Variants in PCM1 observed in about 807,000 individuals in gnomAD.
PCM1 encodes the protein pericentriolar material 1 protein.
PCM1 carries 157 observed loss-of-function variants against 241.9 expected under a neutral mutation model. The observed-to-expected ratio is 0.65, with a 90% CI of 0.57 to 0.74. PCM1 has a LOEUF of 0.74. PCM1 is among the 30% of genes least tolerant of loss of function. PCM1 has a pLI of 0.00. For missense variants in PCM1, 3,478 were observed against 2,360.1 expected (o/e 1.47, Z -9.81); for synonymous variants, 1,085 against 784.9 (o/e 1.38, Z -6.39).
chr8:17,980,748 A>G lies in PCM1; in HGVS notation c.4101A>G (p.Ile1367Met), dbSNP rs1285544319. 2 of 1,604,168 alleles carry G rather than the reference A, an allele frequency of 1.2e-6. No individual in the cohort carries two copies. Among genetic ancestry groups the G allele is most frequent in the Non-Finnish European group, 1.7e-6 (2 of 1,176,518 alleles). ...TAAAATGTAATAGGTCTACAGAAAT[A>G]TCTTCAGGTATGTTCTTTTTTGGTT... The part of the protein sequence containing the change: ...KIIKCNRSTE[I>M]SSETGSDFSM... The change falls in exon 24 of 39, where the codon ATA becomes ATG. Residue 1367 changes from isoleucine (I) to methionine (M), a missense_variant. Physicochemically the swap from Ile to Met is conservative, Grantham distance 10. Coordinates refer to ENST00000325083, the MANE Select transcript of PCM1 (RefSeq NM_006197.4).
chr8:17,994,823 T>C (rs1225093150), intron 29 of PCM1, among the ~76,000 whole-genome samples: 2 of 151,540 alleles, frequency 1.3e-5, no homozygotes, highest in African/African-American at 4.9e-5. Flanking sequence ...TTGCCATTTG[T>C]ATGTCGTCTT....
In PCM1 at chr8:17,991,538, G is replaced by GT; in HGVS notation, c.4532-3dup. ...CTCAAAAAATATTTTTGTTCCAAAT[G>GT]TAGGTAACACCGTGATTCACTTAGA... is the stretch of plus-strand genomic sequence containing the variant. On this transcript the variant is annotated splice_region_variant and splice_polypyrimidine_tract_variant and intron_variant, in intron 27 of 38. Transcript: ENST00000325083. The GT allele has an allele frequency of 6.3e-7, 1 of 1,584,260 alleles. No individual in the cohort carries two copies. The highest frequency in any genetic ancestry group is 1.3e-5 in the African/African-American group (1 of 74,288).
At chr8:17,950,769 A>G (rs2065732166) in intron 8 of PCM1, 45 bp downstream of exon 8, 5 of 1,028,998 alleles carry the variant, frequency 4.9e-6, no homozygotes, top group Non-Finnish European at 7.4e-6. Flanking sequence ...AAATCACATT[A>G]ATTAGAACAG....
chr8:18,011,764 G>A lies in PCM1; in HGVS notation c.5448G>A (p.Val1816=). ...TGGAAGAATTTGAAGAAGGCCCTGT[G>A]GATGTCCAGACTTCCCTCCAGGCTA... ...EEMEEFEEGP[V]DVQTSLQANT... The change falls in exon 34 of 39, where the codon GTG becomes GTA. Residue 1816 remains valine, a synonymous_variant. Transcript: ENST00000325083. The A allele has an allele frequency of 6.2e-7, 1 of 1,613,744 alleles. No individual in the cohort carries two copies. The highest frequency in any genetic ancestry group is 1.1e-5 in the South Asian group (1 of 91,038).
chr8:17,995,120 G>A (rs1397161706), intron 29 of PCM1, among the ~76,000 whole-genome samples: 3 of 151,422 alleles, frequency 2.0e-5, no homozygotes, highest in South Asian at 2.1e-4. Context: ...GTCCTGCAGA[G>A]TTTCCCCACT....
intron 9 of PCM1, 53 bp from the exon 10 acceptor site, chr8:17,955,417 G>C (rs208754): frequency 0.04 from 52,312 of 1,308,380 alleles, 1,871 homozygotes; most frequent in African/African-American, 0.16. Flanking sequence ...GTATGTGTTT[G>C]TTTATGGTAA....
intron 2 of PCM1, chr8:17,925,904 A>G (rs2056758077): frequency 6.6e-6 from 1 of 152,148 alleles, no homozygotes; most frequent in Non-Finnish European, 1.5e-5. Flanking sequence ...ACAGATTTTT[A>G]TTTTATAGCT....
chr8:17,963,898 G>A (rs1412543827), intron 17 of PCM1, among the ~76,000 whole-genome samples: 1 of 152,132 alleles, frequency 6.6e-6, no homozygotes, highest in Non-Finnish European at 1.5e-5. Flanking sequence ...TTTGCACCAA[G>A]CCCTACTCTC....
intron 36 of PCM1, among the ~76,000 whole-genome samples, chr8:18,019,900 T>C (rs2093622232): frequency 6.6e-6 from 1 of 152,110 alleles, no homozygotes; most frequent in African/African-American, 2.4e-5. Context: ...TCCTCTTAAC[T>C]GAAATAATAA....
Position 17,993,551 on chromosome 8 carries a change from A to G in PCM1, c.4759A>G (p.Arg1587Gly). 1.3e-6 allele frequency: 2 copies of G among 1,598,166 alleles called. No homozygotes were observed. The highest frequency in any genetic ancestry group is 1.7e-6 in the Non-Finnish European group (2 of 1,171,202). The change falls in exon 29 of 39, where the codon AGA becomes GGA. Residue 1587 changes from arginine to glycine, a missense_variant. Transcript: ENST00000325083. ...TGAAGTTTCTACCATCCCATGTCCT[A>G]GAATTGATACTCAGCAGCTGGACCG... ...VSEVSTIPCP[R>G]IDTQQLDRQI...
chr8:17,939,913 G>C (rs1418195553), intron 6 of PCM1, 52 bp downstream of exon 6: 8 of 1,175,710 alleles, frequency 6.8e-6, no homozygotes, highest in Non-Finnish European at 9.7e-6. Flanking sequence ...ATCTCAGTGT[G>C]TATTTACTGA....
rs1247333622 is a variant in PCM1 at position 18,011,347 on chromosome 8, A to G, written c.5331A>G (p.Glu1777=). 1.1e-5 allele frequency: 17 copies of G among 1,599,688 alleles called. No homozygotes were observed. The highest frequency in any genetic ancestry group is 1.4e-5 in the Non-Finnish European group (16 of 1,174,826). ...ATCAAGAGGAAGATGAAGAAAGTGA[A>G]GGATGTCCAGTGTCTATTAGTAAGT... ...ISDQEEDEES[E]GCPVSINLSK... Residue 1777 remains glutamate, a synonymous_variant, in exon 33 of 39, where the codon GAA becomes GAG. Coordinates refer to ENST00000325083, the MANE Select transcript of PCM1 (RefSeq NM_006197.4).
Position 17,964,548 on chromosome 8 carries a change from T to C in PCM1, c.2655-20T>C, listed in dbSNP as rs766122861. The C allele has an allele frequency of 1.3e-6, 2 of 1,592,250 alleles. No homozygotes were observed. Among genetic ancestry groups the C allele is most frequent in the South Asian group, 1.1e-5 (1 of 89,494 alleles). On this transcript the variant is annotated intron_variant, in intron 17 of 38. Transcript: ENST00000325083. ...ACTTATCTCCAGAATGACATCTGTT[T>C]TATGTCTCTTAATCACTAGAACGAT...
At chr8:17,962,300 C>T (rs2072675330) in intron 16 of PCM1, 126 bp downstream of exon 16, 2 of 628,236 alleles carry the variant, frequency 3.2e-6, no homozygotes, top group East Asian at 3.3e-5. Flanking sequence ...TAGTAGTCTG[C>T]TTTGTGCCTT....
rs751434145 is a variant in PCM1, at chr8:18,029,661, G to A, written c.*1999G>A. The A allele has an allele frequency of 1.0e-5, 2 of 198,852 alleles. No individual in the cohort carries two copies. The highest frequency in any genetic ancestry group is 1.9e-4 in the South Asian group (1 of 5,234). 12.3% of individuals were successfully genotyped at this position (198,852 alleles called of 1,614,324 possible). A position where few individuals can be genotyped will look rare whatever the true frequency, so the allele number is the denominator to read the frequency against. ...AGTAGATAATTTAGTTTTAAAATAC[G>A]TAGGGTTTGAGAGCAGATATATTTA... On this transcript the variant is annotated 3_prime_UTR_variant, in exon 39 of 39. Coordinates refer to ENST00000325083, the MANE Select transcript of PCM1 (RefSeq NM_006197.4).
At chr8:18,024,360 C>T (rs2093996312) in intron 36 of PCM1, among the ~76,000 whole-genome samples, 1 of 152,122 alleles carries the variant, frequency 6.6e-6, no homozygotes, top group Non-Finnish European at 1.5e-5. Flanking sequence ...GAGTGAGGCC[C>T]TGTGTCTTAA....
At chr8:17,929,926 G>C (rs539850408) in intron 2 of PCM1, among the ~76,000 whole-genome samples, 1 of 152,190 alleles carries the variant, frequency 6.6e-6, no homozygotes, top group Non-Finnish European at 1.5e-5. Flanking sequence ...TCAAAATAAC[G>C]TACTTTACTC....
In PCM1 at chr8:17,957,587, G is replaced by C. The variant is rs780170010; in HGVS notation, c.1852G>C (p.Gly618Arg). The stretch of plus-strand genomic sequence containing the variant: ...GGAACAGGAGATTCATGTTGCACAA[G>C]GTGAAGATGATGAGGAGGAGGAGGA... ...EGEQEIHVAQ[G>R]EDDEEEEEEA... Residue 618 changes from glycine to arginine, a missense_variant, in exon 13 of 39, where the codon GGT becomes CGT. By Grantham distance (125) the Gly-to-Arg change is moderately radical. Transcript: ENST00000325083. 6 of 1,572,784 alleles carry C rather than the reference G, an allele frequency of 3.8e-6. No individual in the cohort carries two copies. In the South Asian group the frequency reaches 6.9e-5, roughly 18 times the overall value.
intron 6 of PCM1, among the ~76,000 whole-genome samples, chr8:17,941,060 G>C (rs2061872794): frequency 6.6e-6 from 1 of 152,124 alleles, no homozygotes; most frequent in African/African-American, 2.4e-5. Flanking sequence ...AATTTGAAGA[G>C]GTGATTTGGA....
Sources: allele counts gnomAD v4.1 joint callset (sites outside exome capture counted in the v4.1 genomes callset), GRCh38; gene constraint gnomAD v4.1.1; transcripts MANE v1.5; gene names NCBI Gene and HGNC (gene_info 2026-07-23, HGNC 2026-07-21).